PABPC4L: variants seen among roughly 807,000 people sequenced by gnomAD.
PABPC4L encodes the protein poly(A) binding protein cytoplasmic 4 like.
For synonymous variants in PABPC4L, 169 were observed against 164.1 expected, an observed-to-expected ratio of 1.03 and a Z score of -0.23; for missense variants, 452 against 451.4, an observed-to-expected ratio of 1.00 and a Z score of -0.01.
chr4:134,123,971 G>C, the PABPC4L span, among the ~76,000 whole-genome samples: 1 of 152,034 alleles, frequency 6.6e-6, no homozygotes, highest in African/African-American at 2.4e-5. Flanking sequence ...TCAGAAAGAA[G>C]TGTTCAAAAG....
the PABPC4L span, among the ~76,000 whole-genome samples, chr4:134,171,734 T>C: frequency 6.6e-6 from 1 of 152,104 alleles, no homozygotes. Context: ...TGTCTTTGTT[T>C]GCAGATTATG....
chr4:134,128,093 C>A, the PABPC4L span, among the ~76,000 whole-genome samples: 4 of 151,804 alleles, frequency 2.6e-5, no homozygotes, highest in Non-Finnish European at 5.9e-5. Context: ...TTGAATGAAC[C>A]CAATTTGACG....
At chr4:134,076,905 T>C in the PABPC4L span, among the ~76,000 whole-genome samples, 602 of 152,262 alleles carry the variant, frequency 4.0e-3, 4 homozygotes, top group African/African-American at 0.014. Context: ...TTTATGTCTA[T>C]GATAATTAAA....
the PABPC4L span, among the ~76,000 whole-genome samples, chr4:133,974,734 G>T: frequency 6.6e-6 from 1 of 152,034 alleles, no homozygotes; most frequent in African/African-American, 2.4e-5. Context: ...TCTCTCCAAA[G>T]GATGTGTACA....
the PABPC4L span, among the ~76,000 whole-genome samples, chr4:134,115,462 C>A: frequency 6.6e-6 from 1 of 151,564 alleles, no homozygotes; most frequent in Non-Finnish European, 1.5e-5. Flanking sequence ...AGAATAGGAA[C>A]CTAATATACA....
chr4:134,045,706 G>A, the PABPC4L span, among the ~76,000 whole-genome samples: 8 of 152,086 alleles, frequency 5.3e-5, no homozygotes, highest in South Asian at 2.1e-4. Flanking sequence ...TGCCGGTGCC[G>A]TCCTACTTAC....
the PABPC4L span, among the ~76,000 whole-genome samples, chr4:134,017,170 C>T: frequency 1.3e-5 from 2 of 152,128 alleles, no homozygotes; most frequent in Non-Finnish European, 2.9e-5. Flanking sequence ...AGTCCTCAGT[C>T]TTCAGGAAAG....
the PABPC4L span, among the ~76,000 whole-genome samples, chr4:134,023,236 G>A: frequency 2.0e-5 from 3 of 152,144 alleles, no homozygotes; most frequent in African/African-American, 7.2e-5. Flanking sequence ...AGGAATGGCT[G>A]CTCTATGCTA....
At chr4:134,169,489 A>G in the PABPC4L span, among the ~76,000 whole-genome samples, 1 of 152,198 alleles carries the variant, frequency 6.6e-6, no homozygotes, top group Admixed American at 6.5e-5. Flanking sequence ...CAAATTAGAA[A>G]GAAGTCAAAT....
At chr4:134,019,580 A>C in the PABPC4L span, among the ~76,000 whole-genome samples, 2 of 152,172 alleles carry the variant, frequency 1.3e-5, 1 homozygote, top group South Asian at 4.1e-4. Flanking sequence ...GCAGAAAATA[A>C]ATATCTGATT....
At chr4:134,067,098 TTG>T in the PABPC4L span, among the ~76,000 whole-genome samples, 2 of 152,090 alleles carry the variant, frequency 1.3e-5, no homozygotes, top group African/African-American at 4.8e-5. Context: ...TTGGAATAGT[TTG>T]AGTAGGAATG....
At chr4:134,164,039 G>A in the PABPC4L span, among the ~76,000 whole-genome samples, 13 of 151,436 alleles carry the variant, frequency 8.6e-5, no homozygotes, top group South Asian at 1.0e-3. Flanking sequence ...CGAGGCGGGC[G>A]GATCACGAGG....
the PABPC4L span, among the ~76,000 whole-genome samples, chr4:134,016,221 C>T: frequency 4.0e-4 from 61 of 152,166 alleles, 1 homozygote; most frequent in Non-Finnish European, 2.4e-4. Flanking sequence ...TACCTCTCAG[C>T]AAGCTGAACT....
downstream of PABPC4L, among the ~76,000 whole-genome samples, chr4:134,193,098 CTA>C (rs1468908012): frequency 1.3e-5 from 2 of 151,874 alleles, no homozygotes; most frequent in Admixed American, 6.6e-5. Flanking sequence ...TTGTTTTTGC[CTA>C]TAGTGTTCTA....
the PABPC4L span, among the ~76,000 whole-genome samples, chr4:133,962,120 G>T: frequency 9.2e-5 from 14 of 152,300 alleles, no homozygotes; most frequent in Non-Finnish European, 2.1e-4. Flanking sequence ...TGGGACAAAA[G>T]AATCTGAACA....
chr4:133,986,529 C>A, the PABPC4L span, among the ~76,000 whole-genome samples: 1 of 151,928 alleles, frequency 6.6e-6, no homozygotes, highest in South Asian at 2.1e-4. Flanking sequence ...CTTTGATTGT[C>A]TACAATGTCA....
the PABPC4L span, among the ~76,000 whole-genome samples, chr4:134,118,005 C>T: frequency 2.0e-5 from 3 of 151,826 alleles, no homozygotes; most frequent in African/African-American, 7.3e-5. Context: ...TGTAATCCAG[C>T]CCATTACAGG....
chr4:133,960,646 A>G, the PABPC4L span, among the ~76,000 whole-genome samples: 1 of 152,130 alleles, frequency 6.6e-6, no homozygotes, highest in Non-Finnish European at 1.5e-5. Context: ...TTTCTTTTGC[A>G]GCTGGGAGGC....
the PABPC4L span, among the ~76,000 whole-genome samples, chr4:134,090,406 T>G: frequency 6.6e-6 from 1 of 152,066 alleles, no homozygotes; most frequent in Non-Finnish European, 1.5e-5. Flanking sequence ...TTCACACAGT[T>G]GATATAAGGA....
Sources: allele counts gnomAD v4.1 joint callset (sites outside exome capture counted in the v4.1 genomes callset), GRCh38; gene constraint gnomAD v4.1.1; transcripts MANE v1.5; gene names NCBI Gene and HGNC (gene_info 2026-07-23, HGNC 2026-07-21).